ZBTB16: variants seen among roughly 807,000 people sequenced by gnomAD.
ZBTB16 encodes zinc finger and BTB domain-containing protein 16.
A neutral mutation model predicts 56.8 loss-of-function variants in ZBTB16; 8 were observed. The ratio of observed to expected loss-of-function variants is 0.14; its 90% confidence interval spans 0.08 to 0.25. The LOEUF is 0.25. Among genes scored for constraint, ZBTB16 ranks in the 10% least tolerant of loss-of-function variants. ZBTB16 has a pLI of 1.00. For synonymous variants in ZBTB16, 363 were observed against 368.5 expected (o/e 0.98, Z 0.17); for missense variants, 625 against 903.0 (o/e 0.69, Z 3.95).
At chr11:114,231,159 T>C (rs543751551) in intron 4 of ZBTB16, among the ~76,000 whole-genome samples, 1 of 152,322 alleles carries the variant, frequency 6.6e-6, no homozygotes, top group South Asian at 2.1e-4. Context: ...GGATAACTTA[T>C]TGTTCAGACA....
In ZBTB16 at chr11:114,138,688, ATTATTTT is replaced by A. The variant is rs541392025; in HGVS notation, c.1269-17635_1269-17629del. Among the ~76,000 whole-genome samples the A allele has an allele frequency of 7.7e-3, 1,155 of 149,130 alleles. 13 individuals carry two copies. The highest frequency in any genetic ancestry group is 0.053 in the South Asian group (247 of 4,678). ...TTCCTCTTTTTTAATTTTTTTTTAA[ATTATTTT>A]TTATTTTTTATTTGACACAGAGTCT... is the stretch of plus-strand genomic sequence containing the variant. On this transcript the variant is annotated intron_variant, in intron 2 of 6. Transcript: ENST00000335953.
At chr11:114,147,368 T>C (rs1942137324) in intron 2 of ZBTB16, among the ~76,000 whole-genome samples, 1 of 152,154 alleles carries the variant, frequency 6.6e-6, no homozygotes, top group Non-Finnish European at 1.5e-5. Context: ...AACAAGGAGA[T>C]AAAGGAAAAG....
chr11:114,153,147 A>T (rs781539806), intron 2 of ZBTB16, among the ~76,000 whole-genome samples: 9 of 152,134 alleles, frequency 5.9e-5, no homozygotes, highest in Admixed American at 2.6e-4. Context: ...GAAATCCTCC[A>T]CCATTATTTT....
At chr11:114,109,694 G>A (rs758948420) in intron 2 of ZBTB16, among the ~76,000 whole-genome samples, 1 of 151,922 alleles carries the variant, frequency 6.6e-6, no homozygotes, top group Non-Finnish European at 1.5e-5. Context: ...GAAGAGTTGG[G>A]GGAGGGGAGA....
At chr11:114,209,849 G>A (rs1404398571) in intron 4 of ZBTB16, 1 of 985,260 alleles carries the variant, frequency 1.0e-6, no homozygotes, top group African/African-American at 1.7e-5. Flanking sequence ...ATCCTGCTGT[G>A]GGTCTCATGT....
intron 2 of ZBTB16, among the ~76,000 whole-genome samples, chr11:114,110,214 G>T (rs1025647010): frequency 2.0e-5 from 3 of 152,026 alleles, no homozygotes; most frequent in Non-Finnish European, 4.4e-5. Context: ...CCTATGAAGG[G>T]CTCAGACTTT....
chr11:114,196,957 C>A (rs370929953), intron 4 of ZBTB16, among the ~76,000 whole-genome samples: 5 of 152,138 alleles, frequency 3.3e-5, no homozygotes, highest in African/African-American at 1.2e-4. Flanking sequence ...GCTTCTGTAC[C>A]CCAGAGCCCA....
At chr11:114,146,746 G>A (rs1942115984) in intron 2 of ZBTB16, among the ~76,000 whole-genome samples, 1 of 151,802 alleles carries the variant, frequency 6.6e-6, no homozygotes, top group Non-Finnish European at 1.5e-5. Context: ...CTACTCTGGA[G>A]GCTGAGGCAC....
chr11:114,166,823 C>T (rs537854), intron 3 of ZBTB16, among the ~76,000 whole-genome samples: 8,605 of 152,228 alleles, frequency 0.057, 268 homozygotes, highest in Middle Eastern at 0.082. Context: ...AAAATAGCCC[C>T]ATGACCTTTG....
intron 4 of ZBTB16, chr11:114,210,899 T>C (rs750751642): frequency 2.5e-5 from 5 of 200,536 alleles, no homozygotes; most frequent in Non-Finnish European, 4.1e-5. Flanking sequence ...GATTTAACTA[T>C]TCAGATGATA....
intron 2 of ZBTB16, among the ~76,000 whole-genome samples, chr11:114,095,240 C>CTTTTCTTTTCTTTTT (rs1940340307): frequency 2.5e-5 from 2 of 79,348 alleles, no homozygotes; most frequent in Non-Finnish European, 2.4e-5. Flanking sequence ...CTTTTCTTTT[C>CTTTTCTTTTCTTTTT]TTTTCTTTTT....
At chr11:114,183,362 A>G (rs943979858) in intron 3 of ZBTB16, among the ~76,000 whole-genome samples, 2 of 152,316 alleles carry the variant, frequency 1.3e-5, no homozygotes, top group Middle Eastern at 3.4e-3. Context: ...ATGTGTGCTT[A>G]TCTGTCTTCA....
intron 4 of ZBTB16, among the ~76,000 whole-genome samples, chr11:114,235,707 T>TCTTTC: frequency 7.2e-6 from 1 of 138,156 alleles, no homozygotes; most frequent in Non-Finnish European, 1.5e-5. Flanking sequence ...TTCTTTCTTT[T>TCTTTC]CTTTCTTTCT....
intron 2 of ZBTB16, among the ~76,000 whole-genome samples, chr11:114,075,085 G>A (rs996635182): frequency 1.1e-4 from 16 of 152,212 alleles, no homozygotes; most frequent in African/African-American, 3.1e-4. Flanking sequence ...CTGGGAGTGG[G>A]TGGATTTCAT....
At chr11:114,093,052 C>G (rs1940248902) in intron 2 of ZBTB16, among the ~76,000 whole-genome samples, 1 of 152,228 alleles carries the variant, frequency 6.6e-6, no homozygotes, top group African/African-American at 2.4e-5. Context: ...ACCACCAGTG[C>G]CTGTCCTACA....
At chr11:114,223,263 A>G (rs979447472) in intron 4 of ZBTB16, among the ~76,000 whole-genome samples, 1 of 152,192 alleles carries the variant, frequency 6.6e-6, no homozygotes, top group Non-Finnish European at 1.5e-5. Flanking sequence ...AACCAAACCC[A>G]CAAAAGCCTA....
intron 3 of ZBTB16, among the ~76,000 whole-genome samples, chr11:114,167,240 T>G (rs796749610): frequency 3.4e-4 from 46 of 137,274 alleles, no homozygotes; most frequent in African/African-American, 1.1e-3. Flanking sequence ...TGGTTTTTTT[T>G]TTTTTTTTTT....
chr11:114,086,788 CTT>C (rs1184569104), intron 2 of ZBTB16, among the ~76,000 whole-genome samples: 3 of 152,188 alleles, frequency 2.0e-5, no homozygotes, highest in African/African-American at 7.2e-5. Flanking sequence ...TGATGCTGTT[CTT>C]TCAAAGGTTG....
In ZBTB16 at chr11:114,069,822, A is replaced by C. The variant is rs139861268; in HGVS notation, c.1268+5254A>C. 7.0e-4 allele frequency among the ~76,000 whole-genome samples: 107 copies of C among 152,328 alleles called. No homozygotes were observed. The East Asian group carries it at 0.018, about 25-fold the overall frequency. On this transcript the variant is annotated intron_variant, in intron 2 of 6. Transcript: ENST00000335953. ...TTTGCAAAGCACCTCTAATGACTTTATCTCTCTTGCCCTCACAGCCTTCCT... is the reference window on the plus strand; with the variant it reads ...TTTGCAAAGCACCTCTAATGACTTTCTCTCTCTTGCCCTCACAGCCTTCCT...
Sources: gnomAD v4.1 joint callset for allele counts (sites outside exome capture counted in the v4.1 genomes callset) on GRCh38, gnomAD v4.1.1 for gene constraint, MANE v1.5 for transcripts, NCBI Gene and HGNC (gene_info 2026-07-23, HGNC 2026-07-21) for gene names.